Variants in NAA35 observed in about 807,000 individuals in gnomAD.
NAA35 encodes the protein MAK10 homolog, amino-acid N-acetyltransferase subunit.
In NAA35, 18 loss-of-function variants were observed where a neutral mutation model predicts 101.7. The ratio of observed to expected loss-of-function variants is 0.18; its 90% CI spans 0.12 to 0.26. The LOEUF (loss-of-function observed/expected upper bound fraction) is 0.26. NAA35 is among the 10% of genes least tolerant of loss of function. The pLI, the probability that NAA35 is intolerant of heterozygous loss-of-function variation, is 1.00. For synonymous variants in NAA35, 267 were observed against 273.1 expected (o/e 0.98, Z 0.22); for missense variants, 601 against 886.8 (o/e 0.68, Z 4.09).
chr9:86,016,233 G>A (rs965249279), intron 17 of NAA35, among the ~76,000 whole-genome samples: 2 of 151,928 alleles, frequency 1.3e-5, no homozygotes, highest in Admixed American at 1.3e-4. Flanking sequence ...TTTGCTTTGT[G>A]ATTAAAAGAA....
At chr9:85,971,461 C>A (rs2117993995) in intron 6 of NAA35, among the ~76,000 whole-genome samples, 1 of 152,206 alleles carries the variant, frequency 6.6e-6, no homozygotes, top group South Asian at 2.1e-4. Context: ...TCCTGGACTC[C>A]CTCCCTCCTC....
rs1832617978 is a variant in NAA35 at position 86,022,613 on chromosome 9, G to A, written c.*653G>A. On this transcript the variant is annotated 3_prime_UTR_variant, in exon 23 of 23. Coordinates refer to ENST00000361671, the MANE Select transcript of NAA35 (RefSeq NM_024635.4). ...ATTATACATTGTTTGCTGGTGACAT[G>A]CAAAAAGGAGGCAGATAGAAATGTA... Among the ~76,000 whole-genome samples the A allele has an allele frequency of 6.6e-6, 1 of 152,194 alleles. No homozygotes were observed. The highest frequency in any genetic ancestry group is 1.5e-5 in the Non-Finnish European group (1 of 68,028).
chr9:85,964,432 T>C (rs1275085447), intron 6 of NAA35, among the ~76,000 whole-genome samples: 1 of 152,232 alleles, frequency 6.6e-6, no homozygotes, highest in Non-Finnish European at 1.5e-5. Flanking sequence ...AACACAATTA[T>C]CAACTTCAAC....
chr9:85,977,167 A>G (rs1052322978), intron 9 of NAA35, among the ~76,000 whole-genome samples, 196 bp from the exon 10 acceptor site: 9 of 152,142 alleles, frequency 5.9e-5, no homozygotes, highest in African/African-American at 1.9e-4. Context: ...TAGAAACTTC[A>G]CATTCCGATT....
chr9:86,001,651 T>C (rs1367315552), intron 12 of NAA35, among the ~76,000 whole-genome samples: 1 of 152,232 alleles, frequency 6.6e-6, no homozygotes, highest in African/African-American at 2.4e-5. Flanking sequence ...TTGATCTTTG[T>C]TGGTGTGAAA....
At chr9:85,980,367 A>AC (rs1262683603) in intron 11 of NAA35, among the ~76,000 whole-genome samples, 2,465 of 152,298 alleles carry the variant, frequency 0.016, 62 homozygotes, top group African/African-American at 0.054. Context: ...GGTGGGGCTG[A>AC]AAGTTCCAGC....
chr9:85,985,916 A>G (rs912251119), intron 11 of NAA35, among the ~76,000 whole-genome samples: 6 of 152,230 alleles, frequency 3.9e-5, no homozygotes, highest in Middle Eastern at 3.2e-3. Flanking sequence ...AAAGTTTTGG[A>G]AGATGTGCTC....
At chr9:86,016,452 A>G (rs2118475255) in intron 17 of NAA35, 87 bp from the exon 18 acceptor site, 1 of 1,157,988 alleles carries the variant, frequency 8.6e-7, no homozygotes, top group Non-Finnish European at 1.2e-6. Context: ...CTAAAGCATT[A>G]TTTGAAATAT....
intron 11 of NAA35, among the ~76,000 whole-genome samples, chr9:85,995,274 AATTT>A (rs1004354303): frequency 3.9e-4 from 59 of 150,462 alleles, no homozygotes; most frequent in Non-Finnish European, 7.7e-4. Flanking sequence ...TAATTTTTAA[AATTT>A]ATTTATTTAA....
chr9:86,000,505 C>T (rs1831378444), intron 12 of NAA35, among the ~76,000 whole-genome samples: 1 of 151,908 alleles, frequency 6.6e-6, no homozygotes, highest in South Asian at 2.1e-4. Context: ...GTAGAATTCA[C>T]CTGTGAATCC....
At chr9:85,977,294 A>G (rs866301321) in intron 9 of NAA35, 69 bp from the exon 10 acceptor site, 8 of 1,035,230 alleles carry the variant, frequency 7.7e-6, no homozygotes, top group Middle Eastern at 2.9e-4. Context: ...AGGAGTTAAT[A>G]TATTTTAAAT....
chr9:86,008,621 T>C (rs1831753989), intron 14 of NAA35, among the ~76,000 whole-genome samples: 2 of 152,242 alleles, frequency 1.3e-5, no homozygotes, highest in Admixed American at 1.3e-4. Context: ...AGCAATGATT[T>C]AATAGTCTAA....
At position 86,022,419 on chromosome 9, in the gene NAA35, GATTA is replaced by G. The variant is rs777747177; in HGVS notation, c.*465_*468del. On this transcript the variant is annotated 3_prime_UTR_variant, in exon 23 of 23. Transcript: ENST00000361671. ...ATCCAAAAGAAGTTTCAAATCAAGG[GATTA>G]ATTAAACACTTGTATGAGATTTTGG... 5 of 152,758 alleles carry G rather than the reference GATTA, an allele frequency of 3.3e-5. No individual in the cohort carries two copies. Among genetic ancestry groups the G allele is most frequent in the Admixed American group, 2.0e-4 (3 of 15,288 alleles). 9.5% of individuals were successfully genotyped at this position (152,758 alleles called of 1,614,324 possible).
Position 86,007,524 on chromosome 9 carries a change from T to C in NAA35, c.1223+60T>C, listed in dbSNP as rs2118373797. 3 of 1,222,396 alleles carry C rather than the reference T, an allele frequency of 2.5e-6. No individual in the cohort carries two copies. In the East Asian group the frequency reaches 7.1e-5, roughly 29 times the overall value. 75.7% of individuals were successfully genotyped at this position (1,222,396 alleles called of 1,614,324 possible). ...TGTGCTCCTTTAAAAGCCCAACTTC[T>C]CTGTACTCCTTCTTTATAGCCAAAG... On this transcript the variant is annotated intron_variant, in intron 14 of 22. Transcript: ENST00000361671.
At chr9:86,002,501 C>G (rs1831458198) in intron 12 of NAA35, among the ~76,000 whole-genome samples, 1 of 152,124 alleles carries the variant, frequency 6.6e-6, no homozygotes, top group Admixed American at 6.5e-5. Flanking sequence ...GCCAGTGATT[C>G]AAAGTTAGCT....
intron 2 of NAA35, among the ~76,000 whole-genome samples, chr9:85,944,156 G>A (rs1828650451): frequency 6.6e-6 from 1 of 152,120 alleles, no homozygotes; most frequent in African/African-American, 2.4e-5. Flanking sequence ...GATATGAGCT[G>A]GAGTCCTAAC....
rs1414798985 is a variant in NAA35 at position 85,996,473 on chromosome 9, A to G, written c.952A>G (p.Lys318Glu). The change falls in exon 12 of 23, where the codon AAA becomes GAA. Residue 318 changes from lysine to glutamate, a missense_variant. Physicochemically the swap from Lys to Glu is moderately conservative, Grantham distance 56. Around this residue, in one of 8 missense-constraint regions of NAA35, gnomAD observed 190 missense variants for 223.1 expected, o/e 0.85. Coordinates refer to ENST00000361671, the MANE Select transcript of NAA35 (RefSeq NM_024635.4). ...LLPPTFPRYAKIIKREEMVNY... is the reference protein window; with the variant it reads ...LLPPTFPRYAEIIKREEMVNY... ...TCCACCTACCTTCCCTCGATATGCA[A>G]AAATAATTAAAAGGGAAGAAATGGT... 1 of 1,610,224 alleles carries G rather than the reference A, an allele frequency of 6.2e-7. No individual in the cohort carries two copies. Among genetic ancestry groups the G allele is most frequent in the Non-Finnish European group, 8.5e-7 (1 of 1,178,274 alleles).
chr9:86,005,996 C>T (rs1016451938), intron 13 of NAA35, among the ~76,000 whole-genome samples: 1 of 151,902 alleles, frequency 6.6e-6, no homozygotes, highest in Non-Finnish European at 1.5e-5. Flanking sequence ...GATAGTGAAA[C>T]CCCATCTGTA....
At chr9:86,015,690 G>A (rs186112806) in intron 17 of NAA35, 1 of 896,522 alleles carries the variant, frequency 1.1e-6, no homozygotes, top group East Asian at 1.2e-4. Context: ...TATTAATTTT[G>A]ATAAAGCACT....
Sources: gnomAD v4.1 joint callset for allele counts (sites outside exome capture counted in the v4.1 genomes callset) on GRCh38, gnomAD v4.1.1 for gene constraint, gnomAD v4.1.1 regional missense constraint, MANE v1.5 for transcripts, NCBI Gene and HGNC (gene_info 2026-07-23, HGNC 2026-07-21) for gene names.